RPS6KC1: variants seen among roughly 807,000 people sequenced by gnomAD.
RPS6KC1 encodes inactive ribosomal protein S6 kinase delta-1.
In RPS6KC1, 54 loss-of-function variants were observed where a neutral mutation model predicts 103.8. The ratio of observed to expected loss-of-function variants is 0.52; its 90% CI spans 0.42 to 0.65. The LOEUF is 0.65. RPS6KC1 is among the 30% of genes least tolerant of loss of function. RPS6KC1 has a pLI of 0.00. For synonymous variants in RPS6KC1, 439 were observed against 438.7 expected (o/e 1.00, Z -0.01); for missense variants, 1,151 against 1,253.8 (o/e 0.92, Z 1.24).
chr1:213,077,087 C>T (rs1039164595), intron 2 of RPS6KC1, among the ~76,000 whole-genome samples: 2 of 152,214 alleles, frequency 1.3e-5, no homozygotes, highest in Non-Finnish European at 2.9e-5. Flanking sequence ...CCAGGCTGGT[C>T]TTGAACTCCT....
chr1:213,401,489 G>A, the RPS6KC1 span, among the ~76,000 whole-genome samples: 2 of 152,214 alleles, frequency 1.3e-5, no homozygotes, highest in Non-Finnish European at 1.5e-5. Context: ...CTGGCCGGTG[G>A]AGTGTGCTGT....
At chr1:213,856,140 C>T in the RPS6KC1 span, among the ~76,000 whole-genome samples, 3 of 152,180 alleles carry the variant, frequency 2.0e-5, no homozygotes, top group Admixed American at 6.5e-5. Context: ...ACACTGTCGT[C>T]AGTCTTTTTC....
chr1:213,647,902 C>T, the RPS6KC1 span, among the ~76,000 whole-genome samples: 9 of 152,078 alleles, frequency 5.9e-5, no homozygotes, highest in African/African-American at 1.9e-4. Context: ...TTTATTTACT[C>T]GTGGATGGGT....
At chr1:213,091,590 T>C (rs1355880789) in intron 3 of RPS6KC1, among the ~76,000 whole-genome samples, 1 of 152,224 alleles carries the variant, frequency 6.6e-6, no homozygotes, top group East Asian at 1.9e-4. Flanking sequence ...TGAAAAATAT[T>C]GGTTTCCTGA....
At chr1:213,771,567 C>T in the RPS6KC1 span, among the ~76,000 whole-genome samples, 4 of 152,118 alleles carry the variant, frequency 2.6e-5, no homozygotes, top group East Asian at 1.9e-4. Flanking sequence ...GTCCTGGACC[C>T]GGTTCAGTGG....
the RPS6KC1 span, chr1:213,832,645 A>G: frequency 6.6e-6 from 1 of 152,214 alleles, no homozygotes; most frequent in Non-Finnish European, 1.5e-5. Flanking sequence ...AGTAAAGAGA[A>G]AGGCTAAATA....
At chr1:213,665,578 T>C in the RPS6KC1 span, among the ~76,000 whole-genome samples, 78 of 152,306 alleles carry the variant, frequency 5.1e-4, 1 homozygote, top group East Asian at 0.013. Context: ...GAATTACTCA[T>C]ATGTTCAAAA....
intron 3 of RPS6KC1, among the ~76,000 whole-genome samples, chr1:213,078,246 T>TC (rs1481562717): frequency 1.3e-5 from 2 of 151,374 alleles, no homozygotes; most frequent in Middle Eastern, 3.2e-3. Context: ...TTTTTTTTTT[T>TC]TGCCTCATCA....
chr1:213,217,845 A>G (rs1413498116), intron 8 of RPS6KC1, among the ~76,000 whole-genome samples: 1 of 152,182 alleles, frequency 6.6e-6, no homozygotes, highest in East Asian at 1.9e-4. Flanking sequence ...AAAACTCTCA[A>G]TAAATTAGGT....
the RPS6KC1 span, among the ~76,000 whole-genome samples, chr1:213,752,249 A>C: frequency 6.6e-6 from 1 of 152,160 alleles, no homozygotes; most frequent in Non-Finnish European, 1.5e-5. Context: ...AAGTTGACCT[A>C]GACTAGGGTC....
intron 12 of RPS6KC1, among the ~76,000 whole-genome samples, chr1:213,245,553 A>G (rs965361321): frequency 1.3e-5 from 2 of 152,170 alleles, no homozygotes; most frequent in African/African-American, 4.8e-5. Flanking sequence ...GGGAATCCTT[A>G]TCACATATTT....
At chr1:213,443,143 C>T in the RPS6KC1 span, among the ~76,000 whole-genome samples, 1 of 152,230 alleles carries the variant, frequency 6.6e-6, no homozygotes, top group Admixed American at 6.5e-5. Flanking sequence ...GAGTAGGAGT[C>T]CTGTACTAGG....
the RPS6KC1 span, among the ~76,000 whole-genome samples, chr1:213,607,288 A>G: frequency 1.3e-5 from 2 of 152,238 alleles, no homozygotes; most frequent in African/African-American, 4.8e-5. Flanking sequence ...AAAATCATCC[A>G]CAGATTTTAG....
chr1:213,419,935 T>C, the RPS6KC1 span, among the ~76,000 whole-genome samples: 1 of 152,208 alleles, frequency 6.6e-6, no homozygotes, highest in Admixed American at 6.5e-5. Context: ...GTTTTTGAGA[T>C]ATTTTCATTG....
the RPS6KC1 span, among the ~76,000 whole-genome samples, chr1:213,624,416 C>T: frequency 4.1e-4 from 62 of 152,316 alleles, no homozygotes; most frequent in African/African-American, 1.4e-3. Flanking sequence ...ACTATGAAAG[C>T]GATTGCCAGA....
the RPS6KC1 span, among the ~76,000 whole-genome samples, chr1:213,647,618 C>T: frequency 6.6e-6 from 1 of 152,216 alleles, no homozygotes; most frequent in South Asian, 2.1e-4. Flanking sequence ...TTCCTTTCAG[C>T]TCTCACTTTC....
chr1:213,344,875 G>A, the RPS6KC1 span, among the ~76,000 whole-genome samples: 2 of 152,126 alleles, frequency 1.3e-5, no homozygotes, highest in Non-Finnish European at 2.9e-5. Flanking sequence ...TATTCTCCAT[G>A]AGGGCAGAGA....
chr1:213,547,904 A>G, the RPS6KC1 span, among the ~76,000 whole-genome samples: 2 of 152,218 alleles, frequency 1.3e-5, no homozygotes, highest in Non-Finnish European at 2.9e-5. Context: ...AGCCTCAGAT[A>G]TTCCTTTATA....
At chr1:213,269,078 CA>C (rs2094979947) in intron 14 of RPS6KC1, among the ~76,000 whole-genome samples, 1 of 152,154 alleles carries the variant, frequency 6.6e-6, no homozygotes, top group African/African-American at 2.4e-5. Context: ...GTGAGAGACA[CA>C]CCTTAAATTC....
Sources: allele counts gnomAD v4.1 joint callset (sites outside exome capture counted in the v4.1 genomes callset), GRCh38; gene constraint gnomAD v4.1.1; transcripts MANE v1.5; gene names NCBI Gene and HGNC (gene_info 2026-07-23, HGNC 2026-07-21).